SLC4A5: variants seen among roughly 807,000 people sequenced by gnomAD.
SLC4A5 encodes the protein electrogenic sodium bicarbonate cotransporter 4.
A neutral mutation model predicts 120.4 loss-of-function variants in SLC4A5; 96 were observed. The observed-to-expected ratio is 0.80, with a 90% CI of 0.68 to 0.94. The LOEUF (loss-of-function observed/expected upper bound fraction) is 0.94, where lower values mean the gene tolerates loss of function less well. Among genes scored for constraint, SLC4A5 ranks in the 40% least tolerant of loss-of-function variants. The pLI, the probability that SLC4A5 is intolerant of heterozygous loss-of-function variation, is 0.00. For missense variants in SLC4A5, 1,259 were observed against 1,459.5 expected (o/e 0.86, Z 2.24); for synonymous variants, 550 against 571.1 (o/e 0.96, Z 0.53).
At position 74,284,467 on chromosome 2, in the gene SLC4A5, AC is replaced by A. The variant is rs766306795; in HGVS notation, c.401+1305del. On this transcript the variant is annotated intron_variant, in intron 8 of 30. Transcript: ENST00000394019. ...AGTGCTGGGATTACAGGCGTGAGCC[AC>A]CGCGCCCGGCCTATTCCTTATTTCT... Among the ~76,000 whole-genome samples the A allele has an allele frequency of 7.5e-4, 55 of 73,144 alleles. 7 individuals carry two copies. Among genetic ancestry groups the A allele is most frequent in the Non-Finnish European group, 1.1e-3 (51 of 46,090 alleles). 48.0% of individuals were successfully genotyped at this position (73,144 alleles called of 152,430 possible).
intron 7 of SLC4A5, among the ~76,000 whole-genome samples, chr2:74,289,020 G>T (rs7564050): frequency 0.029 from 4,402 of 152,086 alleles, 206 homozygotes; most frequent in African/African-American, 0.1. Context: ...CCCACCCATT[G>T]CCACCATCTT....
At chr2:74,297,063 C>A (rs1355838846) in intron 7 of SLC4A5, among the ~76,000 whole-genome samples, 1 of 152,112 alleles carries the variant, frequency 6.6e-6, no homozygotes, top group Admixed American at 6.5e-5. Context: ...GTGATCCCAG[C>A]GCTGCTCAAT....
At position 74,315,033 on chromosome 2, in the gene SLC4A5, G is replaced by T. The variant is rs1672920811; in HGVS notation, c.-2-8C>A. On this transcript the variant is annotated splice_region_variant and splice_polypyrimidine_tract_variant and intron_variant, in intron 5 of 30. Transcript: ENST00000394019. Reference sequence around the variant, plus strand: ...CCTCCTTCACCTTCATGACTATAAAGTAAAAGGAACACAGCCTCAAAATGT... The same window carrying T: ...CCTCCTTCACCTTCATGACTATAAATTAAAAGGAACACAGCCTCAAAATGT... 2 of 1,611,224 alleles carry T rather than the reference G, an allele frequency of 1.2e-6. No individual in the cohort carries two copies. The highest frequency in any genetic ancestry group is 2.2e-5 in the South Asian group (2 of 91,022).
At chr2:74,321,908 T>A (rs1047019561) in intron 5 of SLC4A5, among the ~76,000 whole-genome samples, 1 of 151,806 alleles carries the variant, frequency 6.6e-6, no homozygotes, top group South Asian at 2.1e-4. Flanking sequence ...TTCTAGCCAA[T>A]GAGATTTAGG....
At chr2:74,334,805 T>C (rs1269367030) in intron 3 of SLC4A5, among the ~76,000 whole-genome samples, 1 of 152,128 alleles carries the variant, frequency 6.6e-6, no homozygotes, top group Non-Finnish European at 1.5e-5. Flanking sequence ...TCAATGGTTA[T>C]CTGAATCAAT....
chr2:74,318,791 A>G (rs1475097264), intron 5 of SLC4A5, among the ~76,000 whole-genome samples: 1 of 152,196 alleles, frequency 6.6e-6, no homozygotes, highest in Non-Finnish European at 1.5e-5. Context: ...GGAAAACAGT[A>G]TGGAGGATTC....
intron 30 of SLC4A5, among the ~76,000 whole-genome samples, chr2:74,220,805 C>T (rs1694614601): frequency 2.7e-5 from 4 of 148,692 alleles, no homozygotes; most frequent in East Asian, 4.0e-4. Context: ...CGTGAGCCAC[C>T]GCGCCTGGCT....
intron 21 of SLC4A5, 118 bp from the exon 22 acceptor site, chr2:74,235,332 C>G (rs1223324823): frequency 1.5e-6 from 1 of 683,312 alleles, no homozygotes; most frequent in Non-Finnish European, 2.5e-6. Flanking sequence ...CTGAAGGCAG[C>G]AGAACTAGGC....
At chr2:74,252,942 T>C in intron 15 of SLC4A5, 32 bp downstream of exon 15, 1 of 1,613,038 alleles carries the variant, frequency 6.2e-7, no homozygotes, top group Non-Finnish European at 8.5e-7. Context: ...AAGCCTCCTT[T>C]TTCTCTCCCT....
intron 7 of SLC4A5, among the ~76,000 whole-genome samples, chr2:74,302,951 G>C (rs1421400228): frequency 1.3e-5 from 2 of 152,114 alleles, no homozygotes; most frequent in Admixed American, 6.5e-5. Context: ...CCACACGGGG[G>C]CAAGAGGTCT....
chr2:74,324,438 T>C (rs938995423), intron 5 of SLC4A5, among the ~76,000 whole-genome samples: 2 of 152,144 alleles, frequency 1.3e-5, no homozygotes, highest in African/African-American at 4.8e-5. Flanking sequence ...TTAAAATAGA[T>C]TGCTGGGTCT....
chr2:74,336,315 C>T (rs1320372968), intron 3 of SLC4A5, among the ~76,000 whole-genome samples: 1 of 152,104 alleles, frequency 6.6e-6, no homozygotes, highest in Non-Finnish European at 1.5e-5. Flanking sequence ...GCAATCCTCC[C>T]ACCTCAGCCT....
chr2:74,247,367 C>T, intron 18 of SLC4A5, 60 bp from the exon 19 acceptor site: 1 of 1,546,396 alleles, frequency 6.5e-7, no homozygotes, highest in Non-Finnish European at 8.7e-7. Context: ...GTGCTTGACT[C>T]CTCAGACTCA....
At chr2:74,222,910 T>A in exon 29 of SLC4A5, 1 of 1,613,532 alleles carries the variant, frequency 6.2e-7, no homozygotes, top group Non-Finnish European at 8.5e-7. Context: ...GATTGGACAC[T>A]TTCCATGGGA....
At chr2:74,276,040 G>C (rs1297810004) in intron 8 of SLC4A5, among the ~76,000 whole-genome samples, 1 of 152,166 alleles carries the variant, frequency 6.6e-6, no homozygotes, top group Non-Finnish European at 1.5e-5. Flanking sequence ...TGGGCTCCAA[G>C]CACCCCACAG....
chr2:74,240,693 C>T (rs561137892), intron 20 of SLC4A5, among the ~76,000 whole-genome samples: 1 of 150,658 alleles, frequency 6.6e-6, no homozygotes, highest in Non-Finnish European at 1.5e-5. Flanking sequence ...CACTTGAGCT[C>T]AGGAATTTGA....
At chr2:74,233,135 C>T (rs1239669488) in intron 23 of SLC4A5, among the ~76,000 whole-genome samples, 4 of 152,150 alleles carry the variant, frequency 2.6e-5, no homozygotes, top group African/African-American at 9.7e-5. Flanking sequence ...CATAAGAACT[C>T]GAGGTCACTT....
intron 7 of SLC4A5, among the ~76,000 whole-genome samples, chr2:74,302,611 C>T (rs533259631): frequency 3.9e-5 from 6 of 152,266 alleles, no homozygotes; most frequent in East Asian, 1.9e-4. Flanking sequence ...AATGAGACTG[C>T]GTCTCAAAAA....
chr2:74,320,034 A>G (rs13428700), intron 5 of SLC4A5, among the ~76,000 whole-genome samples: 5,981 of 152,274 alleles, frequency 0.039, 398 homozygotes, highest in African/African-American at 0.14. Context: ...AATTAAAAAT[A>G]CCTTAGAAGA....
Sources: allele counts gnomAD v4.1 joint callset (sites outside exome capture counted in the v4.1 genomes callset), GRCh38; gene constraint gnomAD v4.1.1; transcripts MANE v1.5; gene names NCBI Gene and HGNC (gene_info 2026-07-23, HGNC 2026-07-21).